Variants in PTCSC3 observed in about 807,000 individuals in gnomAD.
PTCSC3 encodes papillary thyroid carcinoma susceptibility candidate 3 (non-protein coding).
chr14:36,155,141 G>A (rs1424938727), intron 2 of PTCSC3, among the ~76,000 whole-genome samples: 1 of 152,072 alleles, frequency 6.6e-6, no homozygotes, highest in African/African-American at 2.4e-5. Flanking sequence ...TGGCCAAAGA[G>A]CTATAATTAC....
chr14:36,159,374 G>C (rs1881902908), intron 2 of PTCSC3, among the ~76,000 whole-genome samples: 1 of 152,110 alleles, frequency 6.6e-6, no homozygotes, highest in East Asian at 1.9e-4. Context: ...GCTTTCTCTT[G>C]TGGGCATTTA....
intron 2 of PTCSC3, among the ~76,000 whole-genome samples, chr14:36,159,163 G>A (rs1464883125): frequency 6.7e-6 from 1 of 148,524 alleles, no homozygotes; most frequent in Non-Finnish European, 1.5e-5. Flanking sequence ...CTGGCTACTG[G>A]TCTATTTTGT....
At chr14:36,167,078 C>T (rs923383330) in intron 1 of PTCSC3, among the ~76,000 whole-genome samples, 3 of 152,114 alleles carry the variant, frequency 2.0e-5, no homozygotes, top group South Asian at 2.1e-4. Context: ...GTTCTATGGC[C>T]GAGAAGGTCA....
At chr14:36,148,385 G>A (rs563746342) in intron 3 of PTCSC3, among the ~76,000 whole-genome samples, 1 of 152,316 alleles carries the variant, frequency 6.6e-6, no homozygotes, top group South Asian at 2.1e-4. Context: ...TTTTAAGCCT[G>A]TCGGAAAAGC....
At chr14:36,168,402 AC>A (rs1882136301) in intron 1 of PTCSC3, among the ~76,000 whole-genome samples, 1 of 104,628 alleles carries the variant, frequency 9.6e-6, no homozygotes, top group Non-Finnish European at 1.8e-5. Flanking sequence ...TATATATTCT[AC>A]TTTTTGTGTG....
chr14:36,164,560 G>T, intron 1 of PTCSC3, among the ~76,000 whole-genome samples: 1 of 150,458 alleles, frequency 6.6e-6, no homozygotes, highest in East Asian at 2.0e-4. Context: ...CCAGGAAAAC[G>T]TCTTAAATGT....
chr14:36,148,109 T>C (rs1037248999), intron 3 of PTCSC3, among the ~76,000 whole-genome samples: 1 of 152,062 alleles, frequency 6.6e-6, no homozygotes, highest in African/African-American at 2.4e-5. Flanking sequence ...GTTACTGCTG[T>C]CTTTTTGTTT....
chr14:36,140,964 T>C (rs1303185865), intron 3 of PTCSC3, among the ~76,000 whole-genome samples: 3 of 152,192 alleles, frequency 2.0e-5, no homozygotes, highest in Non-Finnish European at 4.4e-5. Context: ...TGTCCAGTTT[T>C]TGTAGTACCA....
chr14:36,147,897 G>C (rs972266902), intron 3 of PTCSC3, among the ~76,000 whole-genome samples: 1 of 151,914 alleles, frequency 6.6e-6, no homozygotes, highest in Non-Finnish European at 1.5e-5. Flanking sequence ...ACCCTCAGCT[G>C]CAGGTCTGTT....
At chr14:36,152,242 A>G (rs1881739684) in intron 3 of PTCSC3, among the ~76,000 whole-genome samples, 2 of 152,204 alleles carry the variant, frequency 1.3e-5, no homozygotes, top group African/African-American at 4.8e-5. Context: ...CTAAAGAAAA[A>G]AATGAATAAA....
chr14:36,135,897 A>ATGTG (rs1456900227), downstream of PTCSC3, among the ~76,000 whole-genome samples: 1 of 149,864 alleles, frequency 6.7e-6, no homozygotes, highest in Non-Finnish European at 1.5e-5. Context: ...GTGTATATAT[A>ATGTG]TATGTGTGTG....
intron 3 of PTCSC3, among the ~76,000 whole-genome samples, chr14:36,150,704 G>A (rs1420880215): frequency 6.6e-6 from 1 of 151,710 alleles, no homozygotes; most frequent in Non-Finnish European, 1.5e-5. Context: ...AAATTTTTAG[G>A]CCTTGACCTA....
intron 1 of PTCSC3, among the ~76,000 whole-genome samples, chr14:36,162,917 T>C (rs1053863192): frequency 6.6e-6 from 1 of 152,228 alleles, no homozygotes; most frequent in Non-Finnish European, 1.5e-5. Flanking sequence ...TCAACGGAAG[T>C]GTTTTTAAGC....
intron 3 of PTCSC3, among the ~76,000 whole-genome samples, chr14:36,146,046 T>A (rs1035193122): frequency 2.6e-5 from 4 of 151,708 alleles, no homozygotes; most frequent in South Asian, 2.1e-4. Context: ...ATAATCTCTG[T>A]TCTTTTACAT....
intron 1 of PTCSC3, among the ~76,000 whole-genome samples, chr14:36,168,608 G>GT (rs1882139793): frequency 6.6e-6 from 1 of 151,708 alleles, no homozygotes; most frequent in South Asian, 2.1e-4. Context: ...AGAAAGAAAG[G>GT]TTTTTAATAA....
At chr14:36,166,587 C>T (rs1882091061) in intron 1 of PTCSC3, among the ~76,000 whole-genome samples, 1 of 151,944 alleles carries the variant, frequency 6.6e-6, no homozygotes, top group Admixed American at 6.6e-5. Context: ...CAGCTTTTTG[C>T]ACTTAATATG....
chr14:36,147,348 G>T (rs1346993163), intron 3 of PTCSC3, among the ~76,000 whole-genome samples: 1 of 152,128 alleles, frequency 6.6e-6, no homozygotes, highest in Non-Finnish European at 1.5e-5. Context: ...ATTTCTTGGA[G>T]GCTTTGCTCA....
At chr14:36,135,637 A>AAGC (rs1168390179), downstream of PTCSC3, among the ~76,000 whole-genome samples, 1 of 152,178 alleles carries the variant, frequency 6.6e-6, no homozygotes, top group African/African-American at 2.4e-5. Flanking sequence ...TATGTGTCAT[A>AAGC]AGCTTTAGTA....
intron 3 of PTCSC3, among the ~76,000 whole-genome samples, chr14:36,139,281 C>G (rs1325991998): frequency 6.6e-6 from 1 of 152,124 alleles, no homozygotes; most frequent in Non-Finnish European, 1.5e-5. Flanking sequence ...TAAGACCAAA[C>G]TGCTGATATG....
Sources: allele counts gnomAD v4.1 joint callset (sites outside exome capture counted in the v4.1 genomes callset), GRCh38; gene constraint gnomAD v4.1.1; transcripts MANE v1.5; gene names NCBI Gene and HGNC (gene_info 2026-07-23, HGNC 2026-07-21).